Variants in STK32B observed in about 807,000 individuals in gnomAD.
STK32B encodes the protein serine/threonine-protein kinase 32B.
A neutral mutation model predicts 52.6 loss-of-function variants in STK32B; 43 were observed. That is an observed-to-expected ratio of 0.82 (90% confidence interval 0.64 to 1.05). STK32B has a LOEUF of 1.05. STK32B is among the 50% of genes least tolerant of loss of function. STK32B has a pLI of 0.00. For synonymous variants in STK32B, 238 were observed against 204.3 expected (o/e 1.17, Z -1.41); for missense variants, 621 against 534.6 (o/e 1.16, Z -1.59).
chr4:5,167,235 C>A (rs1030143775), intron 2 of STK32B, among the ~76,000 whole-genome samples: 1 of 152,178 alleles, frequency 6.6e-6, no homozygotes, highest in African/African-American at 2.4e-5. Context: ...CTCAGAAGTC[C>A]AGGCCTCATG....
rs770474554 is a variant in STK32B at position 5,290,616 on chromosome 4, A to T, written c.261-40604A>T. Among the ~76,000 whole-genome samples the T allele has an allele frequency of 6.1e-4, 92 of 151,550 alleles. 1 individual carries two copies. Among genetic ancestry groups the T allele is most frequent in the East Asian group, 5.8e-4 (3 of 5,174 alleles). The stretch of plus-strand genomic sequence containing the variant: ...TTTTTTTAATTACTTAATTTTTTTT[A>T]AAATTTTACTTTAAGTTCATACATG... On this transcript the variant is annotated intron_variant, in intron 3 of 11. Coordinates refer to ENST00000282908, the MANE Select transcript of STK32B (RefSeq NM_018401.3).
At chr4:5,171,317 T>A (rs201475361) in intron 3 of STK32B, among the ~76,000 whole-genome samples, 5,110 of 152,050 alleles carry the variant, frequency 0.034, 101 homozygotes, top group Admixed American at 0.049. Context: ...TTTAATGAGA[T>A]CCCATTTGTC....
intron 4 of STK32B, among the ~76,000 whole-genome samples, chr4:5,343,491 G>T (rs534036947): frequency 6.6e-6 from 1 of 152,028 alleles, no homozygotes; most frequent in African/African-American, 2.4e-5. Flanking sequence ...GGGTCAAATG[G>T]TATTTCTAGT....
chr4:5,131,545 A>G (rs1242999935), intron 1 of STK32B, among the ~76,000 whole-genome samples: 2 of 152,146 alleles, frequency 1.3e-5, no homozygotes, highest in Non-Finnish European at 2.9e-5. Flanking sequence ...CTGCATGGCC[A>G]GCTCATGACC....
chr4:5,415,197 T>C (rs195104), intron 5 of STK32B, among the ~76,000 whole-genome samples: 87,629 of 152,118 alleles, frequency 0.58, 26,459 homozygotes, highest in Middle Eastern at 0.74. Flanking sequence ...CAAACACTTA[T>C]GAGAAGCTTC....
intron 1 of STK32B, among the ~76,000 whole-genome samples, chr4:5,131,312 C>G (rs141661283): frequency 6.6e-6 from 1 of 152,226 alleles, no homozygotes; most frequent in Non-Finnish European, 1.5e-5. Flanking sequence ...AGGCTGAGAT[C>G]GCTGTACAAT....
chr4:5,070,447 CTGTCAT>C (rs1711689204), intron 1 of STK32B, among the ~76,000 whole-genome samples: 1 of 152,132 alleles, frequency 6.6e-6, no homozygotes, highest in African/African-American at 2.4e-5. Context: ...TAGAAAATAT[CTGTCAT>C]TGTAGGGGCT....
intron 4 of STK32B, among the ~76,000 whole-genome samples, chr4:5,371,082 G>A (rs113901791): frequency 6.6e-6 from 1 of 151,566 alleles, no homozygotes; most frequent in African/African-American, 2.4e-5. Context: ...TTGTTAAAAT[G>A]GTAGGGAAGA....
intron 3 of STK32B, among the ~76,000 whole-genome samples, chr4:5,221,472 A>T (rs1182298762): frequency 6.6e-6 from 1 of 152,180 alleles, no homozygotes; most frequent in East Asian, 1.9e-4. Flanking sequence ...TGGATAATAC[A>T]GATGCTAATA....
intron 3 of STK32B, among the ~76,000 whole-genome samples, chr4:5,309,268 C>A (rs1486826570): frequency 2.0e-5 from 3 of 152,002 alleles, no homozygotes; most frequent in South Asian, 2.1e-4. Context: ...AAAGTTATCT[C>A]ATGTTCATGG....
At chr4:5,311,396 AAAAT>A (rs1730278856) in intron 3 of STK32B, among the ~76,000 whole-genome samples, 1 of 152,194 alleles carries the variant, frequency 6.6e-6, no homozygotes, top group East Asian at 1.9e-4. Flanking sequence ...TAAAAAGAGC[AAAAT>A]AAACCCAAGG....
chr4:5,060,208 T>A (rs1742166149), intron 1 of STK32B, among the ~76,000 whole-genome samples: 1 of 152,118 alleles, frequency 6.6e-6, no homozygotes, highest in African/African-American at 2.4e-5. Context: ...TCAGGTGATC[T>A]GCCTGCCTCA....
At chr4:5,065,752 C>A (rs943157765) in intron 1 of STK32B, among the ~76,000 whole-genome samples, 3 of 152,136 alleles carry the variant, frequency 2.0e-5, no homozygotes, top group Non-Finnish European at 4.4e-5. Context: ...GAGACAGAGT[C>A]TTGCTCTGTT....
At chr4:5,226,447 A>G (rs191727523) in intron 3 of STK32B, among the ~76,000 whole-genome samples, 2 of 152,284 alleles carry the variant, frequency 1.3e-5, no homozygotes, top group East Asian at 3.9e-4. Flanking sequence ...TCAGAAGTAA[A>G]TGATTCATAG....
At chr4:5,333,836 T>C (rs1168851057) in intron 4 of STK32B, among the ~76,000 whole-genome samples, 4 of 152,214 alleles carry the variant, frequency 2.6e-5, no homozygotes, top group African/African-American at 4.8e-5. Context: ...TTGATGTATA[T>C]CTCTCTTTTG....
At chr4:5,496,027 T>G (rs1006360949) in intron 11 of STK32B, among the ~76,000 whole-genome samples, 14 of 152,036 alleles carry the variant, frequency 9.2e-5, no homozygotes, top group Non-Finnish European at 1.6e-4. Context: ...GGGGCAGGGG[T>G]CAGGGACCCA....
chr4:5,329,373 G>C (rs1192137233), intron 3 of STK32B, among the ~76,000 whole-genome samples: 1 of 152,188 alleles, frequency 6.6e-6, no homozygotes, highest in Non-Finnish European at 1.5e-5. Flanking sequence ...TGCAGGTTGT[G>C]GGTACTGCGC....
At chr4:5,304,847 C>G (rs1289608617) in intron 3 of STK32B, among the ~76,000 whole-genome samples, 4 of 151,956 alleles carry the variant, frequency 2.6e-5, no homozygotes, top group African/African-American at 7.2e-5. Context: ...CTTTTATTAC[C>G]TTAAGGTATG....
At chr4:5,173,584 G>A (rs966904020) in intron 3 of STK32B, among the ~76,000 whole-genome samples, 3 of 152,176 alleles carry the variant, frequency 2.0e-5, no homozygotes, top group African/African-American at 7.2e-5. Context: ...TCAGGAGCAG[G>A]TTGTTAAGTT....
Sources: gnomAD v4.1 joint callset for allele counts (sites outside exome capture counted in the v4.1 genomes callset) on GRCh38, gnomAD v4.1.1 for gene constraint, MANE v1.5 for transcripts, NCBI Gene and HGNC (gene_info 2026-07-23, HGNC 2026-07-21) for gene names.